ZNF566: variants seen among roughly 807,000 people sequenced by gnomAD.
ZNF566 encodes zinc finger protein 566.
ZNF566 carries 27 observed loss-of-function variants against 32.8 expected under a neutral mutation model. That is an observed-to-expected ratio of 0.82 (90% CI 0.61 to 1.14). The LOEUF is 1.14. ZNF566 is among the 50% of genes most tolerant of loss of function. ZNF566 has a pLI of 0.00. For synonymous variants in ZNF566, 154 were observed against 159.5 expected (o/e 0.97, Z 0.26); for missense variants, 402 against 490.4 (o/e 0.82, Z 1.70).
intron 4 of ZNF566, among the ~76,000 whole-genome samples, chr19:36,470,158 A>G (rs562171360): frequency 1.9e-4 from 29 of 152,274 alleles, no homozygotes; most frequent in Non-Finnish European, 2.6e-4. Flanking sequence ...GATTTCATCC[A>G]GTCACAAGAC....
chr19:36,474,464 G>C (rs1056531509), intron 2 of ZNF566, among the ~76,000 whole-genome samples: 1 of 152,186 alleles, frequency 6.6e-6, no homozygotes, highest in African/African-American at 2.4e-5. Flanking sequence ...CCGTAATAAG[G>C]TGTATACTAT....
intron 1 of ZNF566, among the ~76,000 whole-genome samples, chr19:36,488,950 GCA>G (rs10605979): frequency 0.014 from 2,090 of 152,170 alleles, 51 homozygotes; most frequent in African/African-American, 0.048. Context: ...CAACAGGGTC[GCA>G]CACGCAGGGC....
In ZNF566 at chr19:36,449,960, T is replaced by C. The variant is rs1600133366; in HGVS notation, c.274A>G (p.Lys92Glu). The C allele has an allele frequency of 6.2e-7, 1 of 1,610,740 alleles. No individual in the cohort carries two copies. Among genetic ancestry groups the C allele is most frequent in the African/African-American group, 1.3e-5 (1 of 74,742 alleles). The change falls in exon 5 of 5, where the codon AAA becomes GAA. Residue 92 changes from lysine (K) to glutamate (E), a missense_variant. By Grantham distance (56) the Lys-to-Glu change is moderately conservative. Transcript: ENST00000452939. ...RCETKKLFLK[K>E]EIYEIESTQW... is the part of the protein sequence containing the mutation. ...GTTGATTCTATTTCATAAATTTCTT[T>C]CTTCAGAAATAATTTCTTGGTCTCA...
At chr19:36,487,084 C>A (rs1325051896) in intron 1 of ZNF566, among the ~76,000 whole-genome samples, 2 of 119,698 alleles carry the variant, frequency 1.7e-5, no homozygotes, top group Admixed American at 8.9e-5. Context: ...AGCGAGACTC[C>A]GTCTCAAAAA....
intron 4 of ZNF566, 120 bp downstream of exon 4, chr19:36,472,791 A>G: frequency 1.4e-6 from 1 of 721,286 alleles, no homozygotes; most frequent in South Asian, 2.0e-5. Flanking sequence ...GCTCATGTAG[A>G]AAAGGTCTTA....
chr19:36,453,535 AAAAT>A (rs1283413785), intron 4 of ZNF566, among the ~76,000 whole-genome samples: 4 of 150,768 alleles, frequency 2.7e-5, no homozygotes, highest in Admixed American at 1.3e-4. Flanking sequence ...AATAAAAATA[AAAAT>A]AAATAAACCT....
chr19:36,477,007 A>AT (rs372994203), intron 1 of ZNF566, among the ~76,000 whole-genome samples: 9 of 149,992 alleles, frequency 6.0e-5, no homozygotes, highest in South Asian at 2.1e-4. Flanking sequence ...ATATAACTTA[A>AT]TTTTTTTTTT....
At position 36,474,687 on chromosome 19, in the gene ZNF566, C is replaced by T. The variant is rs1003850604; in HGVS notation, c.10-1229G>A. Among the ~76,000 whole-genome samples, 76 of 152,112 alleles carry T rather than the reference C, an allele frequency of 5.0e-4. 2 individuals carry two copies. The highest frequency in any genetic ancestry group is 1.2e-4 in the Non-Finnish European group (8 of 68,018). ...GGACAAAACCAGAATTGAACTATTT[C>T]CCTTGTAGACATGTGTAAAATTACT... On this transcript the variant is annotated intron_variant, in intron 2 of 4. Transcript: ENST00000452939.
chr19:36,475,196 C>T (rs879882862), intron 2 of ZNF566, among the ~76,000 whole-genome samples: 1 of 152,156 alleles, frequency 6.6e-6, no homozygotes, highest in African/African-American at 2.4e-5. Context: ...CAGGCGTGCA[C>T]CAACATGCCT....
rs956339290 is a variant in ZNF566 at position 36,473,106 on chromosome 19, G to C, written c.137-100C>G. On this transcript the variant is annotated intron_variant, in intron 3 of 4. Transcript: ENST00000452939. ...AAAGAAAGACATGGCATTATGAGAA[G>C]AGTCAAAGAGAGGTACAACGGACTT... 10 of 1,175,422 alleles carry C rather than the reference G, an allele frequency of 8.5e-6. No individual in the cohort carries two copies. In the African/African-American group the frequency reaches 1.4e-4, roughly 16 times the overall value. The allele number at this position is 1,175,422 out of a possible 1,614,324, so 72.8% of individuals were successfully genotyped here. A position where few individuals can be genotyped will look rare whatever the true frequency, so the allele number is the denominator to read the frequency against.
chr19:36,484,587 C>CTTTTTTTTT (rs34052223), intron 1 of ZNF566, among the ~76,000 whole-genome samples: 2 of 111,932 alleles, frequency 1.8e-5, no homozygotes, highest in Non-Finnish European at 3.5e-5. Context: ...GGCATAGTTT[C>CTTTTTTTTT]TTTTTTTTTT....
intron 4 of ZNF566, among the ~76,000 whole-genome samples, chr19:36,465,208 C>T (rs2912420): frequency 0.53 from 81,205 of 151,822 alleles, 22,021 homozygotes; most frequent in African/African-American, 0.57. Context: ...TTCATACTCA[C>T]CAATCAGATT....
At chr19:36,469,432 C>T (rs1395174241) in intron 4 of ZNF566, among the ~76,000 whole-genome samples, 2 of 151,870 alleles carry the variant, frequency 1.3e-5, no homozygotes, top group Non-Finnish European at 1.5e-5. Flanking sequence ...CCCACCTACT[C>T]GGGAGGCTGA....
At chr19:36,484,223 G>A (rs1056802103) in intron 1 of ZNF566, among the ~76,000 whole-genome samples, 1 of 152,188 alleles carries the variant, frequency 6.6e-6, no homozygotes, top group African/African-American at 2.4e-5. Flanking sequence ...TGTATGAGTG[G>A]TTGAAGTATT....
At chr19:36,458,382 T>A (rs1212661100) in intron 4 of ZNF566, among the ~76,000 whole-genome samples, 1 of 152,076 alleles carries the variant, frequency 6.6e-6, no homozygotes, top group Non-Finnish European at 1.5e-5. Context: ...GGAGGACATA[T>A]GTGAAATAAG....
intron 1 of ZNF566, among the ~76,000 whole-genome samples, chr19:36,484,587 C>CTTTTTT (rs34052223): frequency 1.2e-4 from 13 of 111,932 alleles, no homozygotes; most frequent in Non-Finnish European, 1.9e-4. Context: ...GGCATAGTTT[C>CTTTTTT]TTTTTTTTTT....
chr19:36,459,499 C>T (rs1000104729), intron 4 of ZNF566, among the ~76,000 whole-genome samples: 1 of 151,696 alleles, frequency 6.6e-6, no homozygotes, highest in African/African-American at 2.4e-5. Context: ...AGGCGTGAGC[C>T]ACCGCTCCCA....
intron 4 of ZNF566, among the ~76,000 whole-genome samples, chr19:36,458,376 G>A (rs2033372434): frequency 6.6e-6 from 1 of 152,138 alleles, no homozygotes; most frequent in Non-Finnish European, 1.5e-5. Flanking sequence ...GAAGCTGGAG[G>A]ACATATGTGA....
chr19:36,457,173 G>C (rs1002892624), intron 4 of ZNF566, among the ~76,000 whole-genome samples: 1 of 152,170 alleles, frequency 6.6e-6, no homozygotes, highest in Non-Finnish European at 1.5e-5. Flanking sequence ...TCAATAAATG[G>C]TGATGAGAAA....
Sources: gnomAD v4.1 joint callset for allele counts (sites outside exome capture counted in the v4.1 genomes callset) on GRCh38, gnomAD v4.1.1 for gene constraint, MANE v1.5 for transcripts, NCBI Gene and HGNC (gene_info 2026-07-23, HGNC 2026-07-21) for gene names.